KLF8: variants seen among roughly 807,000 people sequenced by gnomAD.
KLF8 encodes the protein KLF transcription factor 8.
KLF8 carries 10 observed loss-of-function variants against 18.2 expected under a neutral mutation model. The observed-to-expected ratio is 0.55, with a 90% CI of 0.34 to 0.93. KLF8 has a LOEUF of 0.93. Ranked by LOEUF, KLF8 falls within the 40% of genes least tolerant of loss-of-function variation. KLF8 has a pLI of 0.02. For missense variants in KLF8, 264 were observed against 277.9 expected, an observed-to-expected ratio of 0.95 and a Z score of 0.36; for synonymous variants, 109 against 97.3, an observed-to-expected ratio of 1.12 and a Z score of -0.71.
the KLF8 span, among the ~76,000 whole-genome samples, chrX:56,112,414 G>A: frequency 1.8e-5 from 2 of 111,464 alleles, no homozygotes; most frequent in African/African-American, 6.5e-5. Context: ...AACCACCATG[G>A]CATGTGTATA....
chrX:56,158,728 A>T, the KLF8 span, among the ~76,000 whole-genome samples: 2 of 112,162 alleles, frequency 1.8e-5, no homozygotes, highest in Non-Finnish European at 3.8e-5. Context: ...ATTTTTGCAC[A>T]TTGATTTTGT....
the KLF8 span, among the ~76,000 whole-genome samples, chrX:55,986,458 C>T: frequency 4.5e-5 from 5 of 111,792 alleles, no homozygotes; most frequent in African/African-American, 1.6e-4. Flanking sequence ...GTTGAACCAA[C>T]CTTGCATCCT....
At chrX:55,935,535 G>T in the KLF8 span, among the ~76,000 whole-genome samples, 1 of 112,207 alleles carries the variant, frequency 8.9e-6, no homozygotes, top group Non-Finnish European at 1.9e-5. Context: ...GAATATTCAT[G>T]ATATCAAAAA....
the KLF8 span, among the ~76,000 whole-genome samples, chrX:56,040,556 T>A: frequency 9.0e-6 from 1 of 111,510 alleles, no homozygotes; most frequent in Non-Finnish European, 1.9e-5. Flanking sequence ...GAACCAACCT[T>A]GCATCTCTAG....
At chrX:56,199,493 C>T in the KLF8 span, among the ~76,000 whole-genome samples, 1 of 112,171 alleles carries the variant, frequency 8.9e-6, no homozygotes, top group Non-Finnish European at 1.9e-5. Context: ...AAAAAATGCT[C>T]ATCACTGGCC....
chrX:56,034,995 T>C, the KLF8 span, among the ~76,000 whole-genome samples: 137 of 109,950 alleles, frequency 1.2e-3, no homozygotes, highest in African/African-American at 4.2e-3. Context: ...GACCTCGTGA[T>C]CCGCCCGCCT....
chrX:56,035,558 T>C, the KLF8 span, among the ~76,000 whole-genome samples: 1 of 112,279 alleles, frequency 8.9e-6, no homozygotes, highest in Non-Finnish European at 1.9e-5. Flanking sequence ...TTCATTATAG[T>C]GGTACTAAGT....
At chrX:55,963,402 G>A in the KLF8 span, among the ~76,000 whole-genome samples, 3 of 111,189 alleles carry the variant, frequency 2.7e-5, no homozygotes, top group Non-Finnish European at 5.7e-5. Flanking sequence ...GTGGCACAGG[G>A]CAGTACCAGG....
the KLF8 span, among the ~76,000 whole-genome samples, chrX:55,974,970 C>T: frequency 1.7e-4 from 19 of 111,893 alleles, no homozygotes; most frequent in South Asian, 3.7e-4. Context: ...TTCATTTCTT[C>T]GGTTGGATTA....
the KLF8 span, among the ~76,000 whole-genome samples, chrX:56,073,791 T>A: frequency 1.9e-5 from 2 of 105,965 alleles, no homozygotes; most frequent in Non-Finnish European, 3.9e-5. Context: ...TCTCGCCCAG[T>A]CTTGAGTGCA....
chrX:56,011,508 A>G, the KLF8 span, among the ~76,000 whole-genome samples: 1 of 112,054 alleles, frequency 8.9e-6, no homozygotes, highest in African/African-American at 3.2e-5. Context: ...AAACAGCTAG[A>G]AAGAGCTCAA....
At chrX:56,239,133 A>G (rs1445277739) in intron 1 of KLF8, among the ~76,000 whole-genome samples, 1 of 112,294 alleles carries the variant, frequency 8.9e-6, no homozygotes, top group Non-Finnish European at 1.9e-5. Flanking sequence ...CTCAAATCAT[A>G]ATCCAGCAAT....
At chrX:56,102,226 G>A in the KLF8 span, among the ~76,000 whole-genome samples, 6 of 111,153 alleles carry the variant, frequency 5.4e-5, no homozygotes, top group East Asian at 5.6e-4. Context: ...CTTATTGCTC[G>A]TTTTTGTCAG....
chrX:56,248,169 G>A (rs1185818982), intron 1 of KLF8, among the ~76,000 whole-genome samples: 2 of 110,480 alleles, frequency 1.8e-5, no homozygotes, highest in East Asian at 5.7e-4. Flanking sequence ...TGGGGTGGGG[G>A]GAGAGCGGAG....
At chrX:55,917,039 A>G in the KLF8 span, among the ~76,000 whole-genome samples, 1 of 112,141 alleles carries the variant, frequency 8.9e-6, no homozygotes, top group Non-Finnish European at 1.9e-5. Context: ...ATCCACTTTC[A>G]AGATCTTGGG....
At chrX:55,996,166 T>G in the KLF8 span, among the ~76,000 whole-genome samples, 2 of 112,222 alleles carry the variant, frequency 1.8e-5, no homozygotes, top group East Asian at 5.6e-4. Context: ...CTGGTATTAC[T>G]TCTGATTGTA....
the KLF8 span, among the ~76,000 whole-genome samples, chrX:56,082,105 T>G: frequency 1.8e-5 from 2 of 111,696 alleles, no homozygotes; most frequent in African/African-American, 6.5e-5. Context: ...TTTAGAAGTT[T>G]TAAATTACTA....
the KLF8 span, among the ~76,000 whole-genome samples, chrX:55,928,662 T>A: frequency 8.9e-6 from 1 of 111,766 alleles, no homozygotes; most frequent in Non-Finnish European, 1.9e-5. Flanking sequence ...AGAAAGATGG[T>A]TTCTGGCTTC....
chrX:56,110,112 A>G, the KLF8 span, among the ~76,000 whole-genome samples: 2 of 111,614 alleles, frequency 1.8e-5, no homozygotes, highest in African/African-American at 6.5e-5. Context: ...AAAGGACATG[A>G]TCTCCTTCCT....
Sources: allele counts gnomAD v4.1 joint callset (sites outside exome capture counted in the v4.1 genomes callset), GRCh38; gene constraint gnomAD v4.1.1; transcripts MANE v1.5; gene names NCBI Gene and HGNC (gene_info 2026-07-23, HGNC 2026-07-21).